Variants in RAB6A observed in about 807,000 individuals in gnomAD.
The protein encoded by RAB6A is RAB6A, member RAS oncogene family, also known as ras-related protein Rab-6A.
A neutral mutation model predicts 32.3 loss-of-function variants in RAB6A; 8 were observed. That is an observed-to-expected ratio of 0.25 (90% confidence interval 0.15 to 0.45). RAB6A has a LOEUF of 0.45. RAB6A is among the 20% of genes least tolerant of loss of function. The probability of loss-of-function intolerance (pLI) is 1.00; values close to 1 mark genes in which losing one functional copy is unlikely to be tolerated. For missense variants in RAB6A, 104 were observed against 249.4 expected, an observed-to-expected ratio of 0.42 and a Z score of 3.93; for synonymous variants, 73 against 82.1, an observed-to-expected ratio of 0.89 and a Z score of 0.60.
At chr11:73,714,805 A>C (rs1946029139) in intron 5 of RAB6A, among the ~76,000 whole-genome samples, 1 of 151,940 alleles carries the variant, frequency 6.6e-6, no homozygotes, top group South Asian at 2.1e-4. Flanking sequence ...GTCTCTACTA[A>C]AAATACAAAA....
chr11:73,706,510 T>A (rs917290226), intron 6 of RAB6A, among the ~76,000 whole-genome samples: 1 of 110,222 alleles, frequency 9.1e-6, no homozygotes. Context: ...CAAGACTCCA[T>A]CTCAAAAAAA....
At chr11:73,726,315 G>A (rs1281227923) in intron 2 of RAB6A, among the ~76,000 whole-genome samples, 3 of 150,342 alleles carry the variant, frequency 2.0e-5, no homozygotes, top group African/African-American at 7.3e-5. Flanking sequence ...AGGCACAGTG[G>A]CTCACGCCTG....
intron 6 of RAB6A, among the ~76,000 whole-genome samples, chr11:73,691,991 CA>C (rs1945574066): frequency 6.6e-6 from 1 of 151,808 alleles, no homozygotes; most frequent in African/African-American, 2.4e-5. Context: ...AAAAAGAAAG[CA>C]AAAAGTGCAG....
At chr11:73,678,725 G>T (rs1308396922) in intron 7 of RAB6A, among the ~76,000 whole-genome samples, 3 of 144,652 alleles carry the variant, frequency 2.1e-5, no homozygotes, top group African/African-American at 5.1e-5. Context: ...TTGTTGTTGT[G>T]TTTTTTTTTT....
intron 6 of RAB6A, among the ~76,000 whole-genome samples, chr11:73,685,417 T>C (rs962708704): frequency 6.7e-6 from 1 of 148,960 alleles, no homozygotes; most frequent in Non-Finnish European, 1.5e-5. Flanking sequence ...GCCTCCCGAG[T>C]AGCTGGGACT....
chr11:73,718,735 T>A lies in RAB6A; in HGVS notation c.184-17A>T. 1 of 1,613,608 alleles carries A rather than the reference T, an allele frequency of 6.2e-7. No individual in the cohort carries two copies. The highest frequency in any genetic ancestry group is 1.1e-5 in the South Asian group (1 of 91,058). On this transcript the variant is annotated splice_polypyrimidine_tract_variant and intron_variant, in intron 3 of 7. Transcript: ENST00000336083. ...CAATCGTACCTAACAACAAAATCAG[T>A]CAAACAAGCAAGAAAAATAAGAAAG...
intron 2 of RAB6A, 44 bp from the exon 3 acceptor site, chr11:73,720,943 G>T: frequency 7.3e-7 from 1 of 1,376,490 alleles, no homozygotes; most frequent in Non-Finnish European, 1.0e-6. Context: ...AAGTTTAATG[G>T]TGGCCAGCAG....
intron 2 of RAB6A, 78 bp from the exon 3 acceptor site, chr11:73,720,977 G>T: frequency 2.0e-6 from 2 of 985,396 alleles, no homozygotes; most frequent in Non-Finnish European, 3.2e-6. Context: ...TGGGATTCAT[G>T]ATTGTGGAAG....
At chr11:73,695,796 C>A (rs1945646627) in intron 6 of RAB6A, among the ~76,000 whole-genome samples, 1 of 152,118 alleles carries the variant, frequency 6.6e-6, no homozygotes, top group South Asian at 2.1e-4. Context: ...TTTGTAATTT[C>A]TAGGAGGCAA....
At chr11:73,708,872 A>G (rs944023142) in intron 5 of RAB6A, among the ~76,000 whole-genome samples, 9 of 152,158 alleles carry the variant, frequency 5.9e-5, no homozygotes, top group African/African-American at 2.2e-4. Context: ...ACTTACATCT[A>G]TGTATTAGAT....
At chr11:73,716,416 G>C in intron 4 of RAB6A, 54 bp from the exon 5 acceptor site, 1 of 1,352,774 alleles carries the variant, frequency 7.4e-7, no homozygotes, top group Non-Finnish European at 1.0e-6. Context: ...TGCCTCCCCA[G>C]GTGGTGGGCA....
rs1590893024 is a variant in RAB6A at position 73,751,226 on chromosome 11, C to A, written c.70+9340G>T. On this transcript the variant is annotated intron_variant, in intron 1 of 7. Transcript: ENST00000336083. ...GCCAGGAGTTCCGGGCTGTAGTACG[C>A]TATAATCATGCCTGTGAATGGACTG... Among the ~76,000 whole-genome samples the A allele has an allele frequency of 2.0e-5, 3 of 152,148 alleles. 1 individual carries two copies. The highest frequency in any genetic ancestry group is 2.0e-4 in the Admixed American group (3 of 15,278).
intron 6 of RAB6A, among the ~76,000 whole-genome samples, chr11:73,693,844 C>T (rs1206999751): frequency 6.6e-6 from 1 of 151,450 alleles, no homozygotes; most frequent in Non-Finnish European, 1.5e-5. Flanking sequence ...CGCCATTGCA[C>T]TCCAGCTTGA....
intron 6 of RAB6A, among the ~76,000 whole-genome samples, chr11:73,705,767 TGA>T (rs3046616): frequency 0.17 from 23,092 of 134,608 alleles, 1,957 homozygotes; most frequent in Admixed American, 0.23. Flanking sequence ...ATAATTCCGA[TGA>T]GAGAGAGAGA....
intron 6 of RAB6A, among the ~76,000 whole-genome samples, chr11:73,703,708 T>C (rs1945783857): frequency 6.6e-6 from 1 of 151,590 alleles, no homozygotes; most frequent in Non-Finnish European, 1.5e-5. Context: ...TGCCACTCAC[T>C]CCAGCCTGGG....
intron 5 of RAB6A, among the ~76,000 whole-genome samples, chr11:73,714,451 G>A (rs1946022083): frequency 6.6e-6 from 1 of 151,406 alleles, no homozygotes; most frequent in Non-Finnish European, 1.5e-5. Flanking sequence ...CACAAGGTCA[G>A]GAGTTTGAGA....
At chr11:73,694,245 A>C (rs543730734) in intron 6 of RAB6A, among the ~76,000 whole-genome samples, 73 of 152,356 alleles carry the variant, frequency 4.8e-4, no homozygotes, top group African/African-American at 1.7e-3. Flanking sequence ...AGAAGGGAAG[A>C]AAAGACACTG....
intron 6 of RAB6A, among the ~76,000 whole-genome samples, chr11:73,689,895 CAAAAAAAAA>C (rs5792626): frequency 4.9e-5 from 3 of 60,962 alleles, no homozygotes; most frequent in Non-Finnish European, 3.4e-5. Context: ...GACTCCGTCT[CAAAAAAAAA>C]AAAAAAAAAA....
At chr11:73,726,770 A>G (rs988521515) in intron 2 of RAB6A, among the ~76,000 whole-genome samples, 3 of 151,394 alleles carry the variant, frequency 2.0e-5, no homozygotes, top group Non-Finnish European at 2.9e-5. Flanking sequence ...AAATTAGAAG[A>G]AAAATTATTT....
Sources: allele counts gnomAD v4.1 joint callset (sites outside exome capture counted in the v4.1 genomes callset), GRCh38; gene constraint gnomAD v4.1.1; transcripts MANE v1.5; gene names NCBI Gene and HGNC (gene_info 2026-07-23, HGNC 2026-07-21).